PTPRG: variants seen among roughly 807,000 people sequenced by gnomAD.
PTPRG encodes the protein receptor-type tyrosine-protein phosphatase gamma.
A neutral mutation model predicts 165.3 loss-of-function variants in PTPRG; 102 were observed. The ratio of observed to expected loss-of-function variants is 0.62; its 90% CI spans 0.53 to 0.73. The LOEUF is 0.73. PTPRG is among the 30% of genes least tolerant of loss of function. The pLI is 0.00. For synonymous variants in PTPRG, 675 were observed against 669.5 expected (o/e 1.01, Z -0.13); for missense variants, 1,866 against 1,861.4 (o/e 1.00, Z -0.05).
intron 2 of PTPRG, among the ~76,000 whole-genome samples, chr3:61,941,366 G>A (rs1204280301): frequency 2.6e-5 from 4 of 151,944 alleles, no homozygotes; most frequent in Admixed American, 6.6e-5. Flanking sequence ...GGCTCACGCC[G>A]GTAATCCCAG....
intron 1 of PTPRG, among the ~76,000 whole-genome samples, chr3:61,624,074 A>T (rs1701539549): frequency 6.6e-6 from 1 of 152,054 alleles, no homozygotes; most frequent in Non-Finnish European, 1.5e-5. Context: ...TAATTCCTTT[A>T]CACTTGGGAC....
chr3:61,770,491 C>T (rs748916712), intron 2 of PTPRG: 1 of 152,146 alleles, frequency 6.6e-6, no homozygotes, highest in Non-Finnish European at 1.5e-5. Context: ...CAATCTTTTG[C>T]ACCAACTTAA....
chr3:61,568,254 C>G (rs1208232818), intron 1 of PTPRG, among the ~76,000 whole-genome samples: 1 of 152,190 alleles, frequency 6.6e-6, no homozygotes, highest in East Asian at 1.9e-4. Flanking sequence ...TTTCTAAGAA[C>G]ATGGGATTGT....
At chr3:61,870,415 C>G (rs1204671167) in intron 2 of PTPRG, among the ~76,000 whole-genome samples, 1 of 140,292 alleles carries the variant, frequency 7.1e-6, no homozygotes, top group African/African-American at 2.7e-5. Context: ...TGGGTTCAAG[C>G]AATTCTCCTG....
chr3:61,732,102 C>G (rs2032524278), intron 1 of PTPRG, among the ~76,000 whole-genome samples: 1 of 152,026 alleles, frequency 6.6e-6, no homozygotes, highest in Non-Finnish European at 1.5e-5. Context: ...CTGTGCCTGA[C>G]CCACATAGGG....
At chr3:62,258,817 A>G (rs1391970108) in intron 16 of PTPRG, among the ~76,000 whole-genome samples, 2 of 152,152 alleles carry the variant, frequency 1.3e-5, no homozygotes, top group Non-Finnish European at 2.9e-5. Context: ...CTTCAACCTC[A>G]TTGTCCTTCC....
At chr3:62,037,365 T>C (rs1454309503) in intron 4 of PTPRG, among the ~76,000 whole-genome samples, 1 of 152,208 alleles carries the variant, frequency 6.6e-6, no homozygotes, top group Non-Finnish European at 1.5e-5. Flanking sequence ...TTTCTTACCT[T>C]TAATCTACCT....
At chr3:61,944,892 G>A (rs1056081142) in intron 2 of PTPRG, among the ~76,000 whole-genome samples, 1 of 152,118 alleles carries the variant, frequency 6.6e-6, no homozygotes, top group African/African-American at 2.4e-5. Context: ...ACCTGCACCT[G>A]GACTGAAATT....
At chr3:62,050,577 A>T (rs1700440675) in intron 4 of PTPRG, among the ~76,000 whole-genome samples, 1 of 152,210 alleles carries the variant, frequency 6.6e-6, no homozygotes. Context: ...TTTTTTAAAT[A>T]AGGAAGTTGA....
intron 2 of PTPRG, chr3:61,749,508 C>A (rs561697037): frequency 9.7e-6 from 2 of 206,286 alleles, no homozygotes; most frequent in African/African-American, 4.8e-5. Context: ...TTTACTTTTA[C>A]CCTTTTGAGC....
chr3:62,091,415 A>G (rs1701925431), intron 5 of PTPRG, among the ~76,000 whole-genome samples: 2 of 152,232 alleles, frequency 1.3e-5, no homozygotes. Context: ...GATAAAAGAA[A>G]TAGATTTAAT....
chr3:61,686,641 CCT>C (rs910964092), intron 1 of PTPRG, among the ~76,000 whole-genome samples: 3 of 152,176 alleles, frequency 2.0e-5, no homozygotes, highest in Non-Finnish European at 4.4e-5. Context: ...TTGGAAATAA[CCT>C]GACAGCCCAT....
intron 10 of PTPRG, among the ~76,000 whole-genome samples, chr3:62,200,518 C>T (rs938140462): frequency 6.6e-6 from 1 of 152,148 alleles, no homozygotes; most frequent in African/African-American, 2.4e-5. Flanking sequence ...ATCCACCTGC[C>T]TCAGCCTCCC....
rs1156534755 is a variant in PTPRG, at chr3:62,233,346, C to T, written c.2375+2035C>T. Among the ~76,000 whole-genome samples the T allele has an allele frequency of 6.6e-6, 1 of 152,152 alleles. No homozygotes were observed. The highest frequency in any genetic ancestry group is 1.5e-5 in the Non-Finnish European group (1 of 68,028). Reference sequence around the variant, plus strand: ...CAATTCCTCATTCTGGCCCACTGTCCCCTCTCCTTCCCCATGCTCTCTCCC... The same window carrying T: ...CAATTCCTCATTCTGGCCCACTGTCTCCTCTCCTTCCCCATGCTCTCTCCC... On this transcript the variant is annotated intron_variant, in intron 14 of 29. Transcript: ENST00000474889. The surrounding 1 kb of genome is among the most constrained non-coding windows in gnomAD (Gnocchi z 4.7).
intron 12 of PTPRG, among the ~76,000 whole-genome samples, chr3:62,209,157 C>T (rs570790155): frequency 1.3e-5 from 2 of 152,314 alleles, no homozygotes; most frequent in East Asian, 3.9e-4. Flanking sequence ...TGGTTCTCAA[C>T]CAGAGGGAAT....
chr3:61,681,559 C>T (rs1559555038), intron 1 of PTPRG, among the ~76,000 whole-genome samples: 2 of 152,068 alleles, frequency 1.3e-5, no homozygotes, highest in African/African-American at 4.8e-5. Context: ...CCGTTTGTTT[C>T]ACCTTGATAT....
intron 2 of PTPRG, among the ~76,000 whole-genome samples, chr3:61,888,217 GTGTGTC>G (rs1336107668): frequency 2.6e-5 from 4 of 151,704 alleles, no homozygotes; most frequent in South Asian, 4.2e-4. Context: ...GTGTGTGTGT[GTGTGTC>G]TGTCTGTCCG....
At chr3:62,057,253 C>T (rs906360649) in intron 4 of PTPRG, among the ~76,000 whole-genome samples, 2 of 152,184 alleles carry the variant, frequency 1.3e-5, no homozygotes, top group Non-Finnish European at 2.9e-5. Flanking sequence ...TGGTGAGAAA[C>T]CACAGCCAAT....
chr3:61,815,687 C>G (rs1436473680), intron 2 of PTPRG, among the ~76,000 whole-genome samples: 1 of 152,188 alleles, frequency 6.6e-6, no homozygotes, highest in Non-Finnish European at 1.5e-5. Context: ...GCTCTGTGAT[C>G]TTAATCATTA....
Sources: gnomAD v4.1 joint callset for allele counts (sites outside exome capture counted in the v4.1 genomes callset) on GRCh38, gnomAD v4.1.1 for gene constraint, Gnocchi (gnomAD v3.1) non-coding constraint, MANE v1.5 for transcripts, NCBI Gene and HGNC (gene_info 2026-07-23, HGNC 2026-07-21) for gene names.